Variants in MTMR10 observed in about 807,000 individuals in gnomAD.
The protein encoded by MTMR10 is myotubularin related protein 10.
MTMR10 carries 56 observed loss-of-function variants against 88.1 expected under a neutral mutation model. The observed-to-expected ratio is 0.64, with a 90% CI of 0.51 to 0.79. MTMR10 has a LOEUF of 0.79. MTMR10 is among the 30% of genes least tolerant of loss of function. The pLI is 0.00. For missense variants in MTMR10, 883 were observed against 924.7 expected (o/e 0.95, Z 0.58); for synonymous variants, 380 against 340.9 (o/e 1.11, Z -1.26).
chr15:30,975,180 C>T (rs567912854), intron 3 of MTMR10, among the ~76,000 whole-genome samples, 177 bp from the exon 4 acceptor site: 93 of 152,136 alleles, frequency 6.1e-4, no homozygotes, highest in Non-Finnish European at 9.4e-4. Flanking sequence ...TTAAAATGTA[C>T]ACAACAATCT....
chr15:30,967,969 G>A lies in MTMR10; in HGVS notation c.516C>T (p.Leu172=). 6.4e-7 allele frequency: 1 copy of A among 1,574,614 alleles called. No homozygotes were observed. Among genetic ancestry groups the A allele is most frequent in the East Asian group, 2.3e-5 (1 of 43,226 alleles). The stretch of plus-strand genomic sequence containing the variant: ...CATATTCAAATGCAAAGAGTAGCTG[G>A]AGGTCTGTTGGCTGGGAATAATGAG... The part of the protein sequence containing the change: ...AIAHYSQPTD[L]QLLFAFEYVG... The change falls in exon 6 of 16, where the codon CTC becomes CTT. Residue 172 remains leucine, a synonymous_variant. Coordinates refer to ENST00000435680, the MANE Select transcript of MTMR10 (RefSeq NM_017762.3).
chr15:30,970,503 G>A (rs1010425087), intron 5 of MTMR10, among the ~76,000 whole-genome samples: 2 of 152,082 alleles, frequency 1.3e-5, no homozygotes, highest in African/African-American at 4.8e-5. Flanking sequence ...GCTTTCTGAC[G>A]GTGCTCTGTG....
chr15:30,945,644 G>T (rs1170433841), intron 14 of MTMR10, among the ~76,000 whole-genome samples: 2 of 152,198 alleles, frequency 1.3e-5, no homozygotes, highest in African/African-American at 2.4e-5. Flanking sequence ...GCAGAGAGGG[G>T]CCCCAAGAAT....
chr15:30,982,159 G>C (rs1480656005), intron 2 of MTMR10, among the ~76,000 whole-genome samples: 1 of 151,910 alleles, frequency 6.6e-6, no homozygotes, highest in East Asian at 1.9e-4. Context: ...AGATGAAAAA[G>C]CTGTCACAGA....
chr15:30,987,954 T>C (rs1167738833), intron 2 of MTMR10, among the ~76,000 whole-genome samples: 1 of 151,412 alleles, frequency 6.6e-6, no homozygotes, highest in East Asian at 1.9e-4. Flanking sequence ...CATCCCTGTA[T>C]ATAGCCACAG....
rs1171620085 is a variant in MTMR10 at position 30,974,976 on chromosome 15, CAAG to C, written c.283_285del (p.Leu95del). 1.3e-6 allele frequency: 2 copies of C among 1,576,106 alleles called. No homozygotes were observed. The highest frequency in any genetic ancestry group is 8.6e-7 in the Non-Finnish European group (1 of 1,159,300). ...CATGTTAAAGGGACATCGTGTTCACCAAGAAGAAGGTTTCTGTAATGGAATTTC... is the reference window on the plus strand; with the variant it reads ...CATGTTAAAGGGACATCGTGTTCACCAAGAAGGTTTCTGTAATGGAATTTC... On this transcript the variant is annotated inframe_deletion, in exon 4 of 16. Transcript: ENST00000435680.
downstream of MTMR10, among the ~76,000 whole-genome samples, chr15:30,938,539 T>C (rs2140975741): frequency 6.6e-6 from 1 of 152,218 alleles, no homozygotes; most frequent in East Asian, 1.9e-4. Flanking sequence ...GACAGTACAG[T>C]CAAATCGGCT....
At chr15:30,925,768 G>T in the MTMR10 span, 1 of 1,613,634 alleles carries the variant, frequency 6.2e-7, no homozygotes, top group Non-Finnish European at 8.5e-7. Flanking sequence ...GCTAATAGAT[G>T]TTATTCTGCT....
chr15:30,991,007 T>G (rs1448606394), intron 1 of MTMR10, among the ~76,000 whole-genome samples, 170 bp from the exon 2 acceptor site: 1 of 152,184 alleles, frequency 6.6e-6, no homozygotes, highest in African/African-American at 2.4e-5. Flanking sequence ...CATTATCGAC[T>G]TGGAAGCCTA....
chr15:30,929,864 T>TATATATCATATATA, the MTMR10 span, among the ~76,000 whole-genome samples: 1 of 61,818 alleles, frequency 1.6e-5, no homozygotes, highest in African/African-American at 1.0e-4. Flanking sequence ...TCATATATAA[T>TATATATCATATATA]ATATATAAAA....
the MTMR10 span, chr15:30,925,363 A>G: frequency 2.8e-6 from 4 of 1,407,242 alleles, no homozygotes; most frequent in South Asian, 5.1e-5. Context: ...GAAGCATCCT[A>G]AGAGCTGTTT....
chr15:30,942,802 G>C (rs3512), intron 15 of MTMR10, 88 bp downstream of exon 15: 401,200 of 1,319,134 alleles, frequency 0.3, 64,616 homozygotes, highest in Non-Finnish European at 0.33. Flanking sequence ...ACTCTTGGAA[G>C]TGCCTTTACT....
the MTMR10 span, among the ~76,000 whole-genome samples, chr15:30,920,339 A>G: frequency 6.6e-5 from 10 of 152,230 alleles, no homozygotes; most frequent in African/African-American, 2.2e-4. Flanking sequence ...ATGAGTTCTC[A>G]TCTTACTCCA....
chr15:30,991,583 T>G lies in MTMR10; in HGVS notation c.-77A>C. On this transcript the variant is annotated 5_prime_UTR_variant, in exon 1 of 16. Transcript: ENST00000435680. ...ACGCCTCCGGGCGTAAAGCTCTCAG[T>G]GCGGCCGCCCAGGCCCTTTCTGCGG... 1 of 1,490,934 alleles carries G rather than the reference T, an allele frequency of 6.7e-7. No homozygotes were observed. The highest frequency in any genetic ancestry group is 1.3e-5 in the South Asian group (1 of 75,402). The allele number at this position is 1,490,934 out of a possible 1,614,324, so 92.4% of individuals were successfully genotyped here. A position where few individuals can be genotyped will look rare whatever the true frequency, so the allele number is the denominator to read the frequency against.
chr15:30,955,395 C>T (rs1015486437), intron 9 of MTMR10, among the ~76,000 whole-genome samples: 12 of 152,262 alleles, frequency 7.9e-5, no homozygotes, highest in Admixed American at 3.9e-4. Flanking sequence ...CTCACCCTCC[C>T]GAGTAGTTGG....
the MTMR10 span, among the ~76,000 whole-genome samples, chr15:30,931,576 T>C: frequency 1.3e-5 from 2 of 152,236 alleles, no homozygotes; most frequent in African/African-American, 4.8e-5. Flanking sequence ...TTCAGTTTTA[T>C]GATCATTTGA....
the MTMR10 span, among the ~76,000 whole-genome samples, chr15:30,924,213 T>A: frequency 6.6e-6 from 1 of 152,224 alleles, no homozygotes; most frequent in South Asian, 2.1e-4. Context: ...ACTTCCACTG[T>A]AGCATCTGAT....
At chr15:30,970,139 C>T in intron 5 of MTMR10, among the ~76,000 whole-genome samples, 1 of 152,056 alleles carries the variant, frequency 6.6e-6, no homozygotes, top group Non-Finnish European at 1.5e-5. Flanking sequence ...AGGTCAATTC[C>T]TTAAGGATAA....
chr15:30,978,709 T>C (rs1350520837), intron 2 of MTMR10, among the ~76,000 whole-genome samples: 1 of 152,176 alleles, frequency 6.6e-6, no homozygotes, highest in African/African-American at 2.4e-5. Context: ...TAAATCACTT[T>C]CCTAAGATCT....
Sources: gnomAD v4.1 joint callset for allele counts (sites outside exome capture counted in the v4.1 genomes callset) on GRCh38, gnomAD v4.1.1 for gene constraint, MANE v1.5 for transcripts, NCBI Gene and HGNC (gene_info 2026-07-23, HGNC 2026-07-21) for gene names.